KCNN2: variants seen among roughly 807,000 people sequenced by gnomAD.
The protein encoded by KCNN2 is potassium calcium-activated channel subfamily N member 2, also known as small conductance calcium-activated potassium channel protein 2.
A neutral mutation model predicts 55.5 loss-of-function variants in KCNN2; 24 were observed. The observed-to-expected ratio is 0.43, with a 90% CI of 0.31 to 0.61. KCNN2 has a LOEUF of 0.61. KCNN2 is among the 20% of genes least tolerant of loss of function. The pLI is 0.08. For synonymous variants in KCNN2, 431 were observed against 336.1 expected (o/e 1.28, Z -3.09); for missense variants, 754 against 853.6 (o/e 0.88, Z 1.45).
chr5:114,345,017 C>T (rs1451847779), intron 2 of KCNN2, among the ~76,000 whole-genome samples: 1 of 152,164 alleles, frequency 6.6e-6, no homozygotes, highest in African/African-American at 2.4e-5. Flanking sequence ...AATACATATG[C>T]ACAAGGTTAC....
intron 4 of KCNN2, among the ~76,000 whole-genome samples, chr5:114,470,534 C>T (rs1343866336): frequency 6.6e-6 from 1 of 152,220 alleles, no homozygotes; most frequent in Admixed American, 6.5e-5. Context: ...CCTGCTAGAA[C>T]TCTTTCTTTA....
At chr5:114,119,534 T>G (rs1751784735) in intron 1 of KCNN2, among the ~76,000 whole-genome samples, 1 of 152,180 alleles carries the variant, frequency 6.6e-6, no homozygotes, top group Non-Finnish European at 1.5e-5. Context: ...CTAATAGAGG[T>G]GGGCTGCTCA....
At chr5:114,406,729 A>C (rs1758947730) in intron 3 of KCNN2, among the ~76,000 whole-genome samples, 1 of 152,064 alleles carries the variant, frequency 6.6e-6, no homozygotes, top group Non-Finnish European at 1.5e-5. Context: ...CATCTCTATC[A>C]TGTTGGGGAC....
intron 1 of KCNN2, among the ~76,000 whole-genome samples, chr5:114,061,635 A>C (rs1750333480): frequency 1.3e-5 from 2 of 152,046 alleles, no homozygotes; most frequent in Non-Finnish European, 2.9e-5. Flanking sequence ...TTTGATGGCC[A>C]AGTTTAGCTT....
intron 4 of KCNN2, among the ~76,000 whole-genome samples, chr5:114,467,030 C>T (rs563077009): frequency 4.0e-4 from 61 of 152,192 alleles, no homozygotes; most frequent in African/African-American, 1.4e-3. Context: ...CACAGCCTTG[C>T]CTTTTCCTTA....
At chr5:114,257,367 A>G (rs1020960192) in intron 2 of KCNN2, among the ~76,000 whole-genome samples, 1 of 151,710 alleles carries the variant, frequency 6.6e-6, no homozygotes, top group Admixed American at 6.6e-5. Context: ...TATGAATTTT[A>G]GGATTTTTTT....
intron 2 of KCNN2, among the ~76,000 whole-genome samples, chr5:114,389,221 G>A (rs1394109621): frequency 2.0e-5 from 3 of 151,878 alleles, no homozygotes; most frequent in Non-Finnish European, 4.4e-5. Flanking sequence ...GTATATGTTC[G>A]TTTCTCCTTT....
chr5:114,384,465 T>A (rs1435157983), intron 2 of KCNN2, among the ~76,000 whole-genome samples: 1 of 152,232 alleles, frequency 6.6e-6, no homozygotes, highest in African/African-American at 2.4e-5. Context: ...AGAATGCTGA[T>A]GACTGTAATA....
chr5:114,140,495 A>T (rs931941944), intron 1 of KCNN2, among the ~76,000 whole-genome samples: 1 of 152,214 alleles, frequency 6.6e-6, no homozygotes, highest in Admixed American at 6.5e-5. Flanking sequence ...TGATTCTAAT[A>T]TTTAAGTCAT....
chr5:114,465,049 CT>C (rs1482356059), intron 4 of KCNN2, among the ~76,000 whole-genome samples: 1 of 152,104 alleles, frequency 6.6e-6, no homozygotes, highest in Non-Finnish European at 1.5e-5. Context: ...CTTAGTGTTA[CT>C]TTTTGTCAAG....
At chr5:114,106,574 A>G (rs1005443087) in intron 1 of KCNN2, among the ~76,000 whole-genome samples, 5 of 147,890 alleles carry the variant, frequency 3.4e-5, no homozygotes, top group Admixed American at 6.7e-5. Flanking sequence ...TAATAGATGG[A>G]TATCATGTTT....
At chr5:114,402,911 G>C (rs1758829728) in intron 2 of KCNN2, among the ~76,000 whole-genome samples, 1 of 152,162 alleles carries the variant, frequency 6.6e-6, no homozygotes, top group Non-Finnish European at 1.5e-5. Context: ...ACTCAATAGA[G>C]AGAACCAGCC....
chr5:114,490,838 G>T, intron 6 of KCNN2: 1 of 396,970 alleles, frequency 2.5e-6, no homozygotes. Context: ...ATATTTTCCT[G>T]TGATAAGTGA....
intron 1 of KCNN2, among the ~76,000 whole-genome samples, chr5:114,214,904 GT>G (rs886718864): frequency 1.3e-5 from 2 of 152,072 alleles, no homozygotes; most frequent in African/African-American, 4.8e-5. Context: ...TAACTTTTAG[GT>G]TATACTCATG....
At chr5:114,056,588 G>T in intron 1 of KCNN2, 1 of 395,390 alleles carries the variant, frequency 2.5e-6, no homozygotes, top group Non-Finnish European at 4.5e-6. Context: ...AGTGAAGTTT[G>T]CCTGGGCTTT....
chr5:114,277,126 G>A (rs1047827480), intron 2 of KCNN2, among the ~76,000 whole-genome samples: 1 of 152,108 alleles, frequency 6.6e-6, no homozygotes, highest in Non-Finnish European at 1.5e-5. Context: ...GAAATTCTGG[G>A]TTGAAAATTC....
chr5:114,309,383 C>T (rs1756353432), intron 2 of KCNN2, among the ~76,000 whole-genome samples: 1 of 152,142 alleles, frequency 6.6e-6, no homozygotes, highest in African/African-American at 2.4e-5. Flanking sequence ...GTTTTTTAGA[C>T]TGGATTTTCC....
At chr5:114,367,801 A>G (rs1300652688) in intron 2 of KCNN2, among the ~76,000 whole-genome samples, 3 of 152,040 alleles carry the variant, frequency 2.0e-5, no homozygotes, top group South Asian at 2.1e-4. Flanking sequence ...TTAGTATACT[A>G]TTATTTTTCT....
At chr5:114,069,991 T>C (rs963658001) in intron 1 of KCNN2, among the ~76,000 whole-genome samples, 1 of 152,268 alleles carries the variant, frequency 6.6e-6, no homozygotes, top group Non-Finnish European at 1.5e-5. Context: ...TTTTCTTATA[T>C]GCATTCATTT....
Sources: allele counts gnomAD v4.1 joint callset (sites outside exome capture counted in the v4.1 genomes callset), GRCh38; gene constraint gnomAD v4.1.1; transcripts MANE v1.5; gene names NCBI Gene and HGNC (gene_info 2026-07-23, HGNC 2026-07-21).